Variants in XIRP2 observed in about 807,000 individuals in gnomAD.
XIRP2 encodes xin actin-binding repeat-containing protein 2.
XIRP2 carries 236 observed loss-of-function variants against 277.0 expected under a neutral mutation model. That is an observed-to-expected ratio of 0.85 (90% CI 0.77 to 0.95). The LOEUF is 0.95. Among genes scored for constraint, XIRP2 ranks in the 40% least tolerant of loss-of-function variants. XIRP2 has a pLI of 0.00. For synonymous variants in XIRP2, 1,490 were observed against 1,416.5 expected (o/e 1.05, Z -1.17); for missense variants, 4,640 against 4,157.5 (o/e 1.12, Z -3.19).
chr2:166,938,836 C>T (rs757687691), intron 2 of XIRP2, among the ~76,000 whole-genome samples: 2 of 152,140 alleles, frequency 1.3e-5, no homozygotes, highest in Non-Finnish European at 2.9e-5. Flanking sequence ...GATCCCTTTA[C>T]CATTATGTAA....
At chr2:167,043,208 C>T (rs1688706258) in intron 2 of XIRP2, among the ~76,000 whole-genome samples, 1 of 151,994 alleles carries the variant, frequency 6.6e-6, no homozygotes, top group Admixed American at 6.6e-5. Flanking sequence ...GTTTATAGTG[C>T]TAAATGCCTA....
chr2:166,892,886 ATATATGTG>A (rs1283916832), intron 1 of XIRP2, among the ~76,000 whole-genome samples: 1 of 148,484 alleles, frequency 6.7e-6, no homozygotes, highest in East Asian at 2.0e-4. Context: ...GTATATATGT[ATATATGTG>A]TATATATGTA....
intron 2 of XIRP2, among the ~76,000 whole-genome samples, chr2:167,064,360 C>T (rs182626254): frequency 1.6e-3 from 240 of 151,744 alleles, no homozygotes; most frequent in African/African-American, 2.0e-3. Context: ...TATTATATGC[C>T]GCATAAGAAT....
Position 167,250,553 on chromosome 2 carries a change from C to G in XIRP2, c.9161C>G (p.Ser3054Cys). The G allele has an allele frequency of 6.2e-7, 1 of 1,613,492 alleles. No homozygotes were observed. The highest frequency in any genetic ancestry group is 8.5e-7 in the Non-Finnish European group (1 of 1,179,692). The change falls in exon 9 of 11, where the codon TCC becomes TGC. Residue 3054 changes from serine (S) to cysteine (C), a missense_variant. Transcript: ENST00000409195. Reference protein sequence around the residue: ...NKPTSLDETSSKVSNVHVSNN... With the variant: ...NKPTSLDETSCKVSNVHVSNN... ...CCCACTAGTCTTGATGAAACATCATCCAAAGTATCTAATGTTCATGTCAGC... is the reference window on the plus strand; with the variant it reads ...CCCACTAGTCTTGATGAAACATCATGCAAAGTATCTAATGTTCATGTCAGC...
At chr2:167,131,382 A>G (rs1691371391) in intron 2 of XIRP2, among the ~76,000 whole-genome samples, 1 of 152,102 alleles carries the variant, frequency 6.6e-6, no homozygotes, top group Non-Finnish European at 1.5e-5. Context: ...AAAACAAACA[A>G]AACACATCTC....
At chr2:167,091,431 C>T (rs1372386305) in intron 2 of XIRP2, among the ~76,000 whole-genome samples, 1 of 152,150 alleles carries the variant, frequency 6.6e-6, no homozygotes, top group Non-Finnish European at 1.5e-5. Flanking sequence ...TTATCATTCA[C>T]TAACTTCCTC....
At chr2:167,084,363 T>G (rs1318624355) in intron 2 of XIRP2, among the ~76,000 whole-genome samples, 2 of 152,044 alleles carry the variant, frequency 1.3e-5, no homozygotes, top group Non-Finnish European at 2.9e-5. Context: ...TTGAGGATTT[T>G]TGCATCAATG....
At chr2:166,898,898 C>CT (rs2105332286) in intron 1 of XIRP2, among the ~76,000 whole-genome samples, 1 of 152,184 alleles carries the variant, frequency 6.6e-6, no homozygotes, top group South Asian at 2.1e-4. Flanking sequence ...TTGAGATTGG[C>CT]TTTTTTCACT....
At chr2:167,024,452 T>A (rs1196762558) in intron 2 of XIRP2, among the ~76,000 whole-genome samples, 1 of 152,140 alleles carries the variant, frequency 6.6e-6, no homozygotes, top group Non-Finnish European at 1.5e-5. Context: ...TATTTCCTTC[T>A]CCTGCCTAAC....
intron 2 of XIRP2, among the ~76,000 whole-genome samples, chr2:167,081,146 A>T (rs1026042971): frequency 3.9e-5 from 6 of 152,158 alleles, no homozygotes; most frequent in Non-Finnish European, 5.9e-5. Flanking sequence ...GAAACCAGAG[A>T]TCTTCATTCC....
In XIRP2 at chr2:167,244,217, G is replaced by A; in HGVS notation, c.2825G>A (p.Arg942Lys). ...TRTVKLEEVD[R>K]GDVKNYTHIF... ...ACAGTGAAACTTGAAGAAGTTGACA[G>A]AGGAGATGTGAAGAATTACACACAT... Residue 942 changes from arginine to lysine, a missense_variant, in exon 9 of 11, where the codon AGA becomes AAA. Coordinates refer to ENST00000409195, the MANE Select transcript of XIRP2 (RefSeq NM_152381.6). The A allele has an allele frequency of 6.2e-7, 1 of 1,613,578 alleles. No homozygotes were observed. The highest frequency in any genetic ancestry group is 8.5e-7 in the Non-Finnish European group (1 of 1,179,812).
chr2:167,181,748 A>C (rs1693015015), intron 3 of XIRP2, among the ~76,000 whole-genome samples: 1 of 152,166 alleles, frequency 6.6e-6, no homozygotes, highest in Admixed American at 6.6e-5. Context: ...GATCCTTTAA[A>C]CACTGACGTA....
At chr2:167,068,190 T>C (rs1433005597) in intron 2 of XIRP2, among the ~76,000 whole-genome samples, 1 of 152,210 alleles carries the variant, frequency 6.6e-6, no homozygotes, top group African/African-American at 2.4e-5. Context: ...TACCTGAAAA[T>C]TTCTTAATAC....
intron 9 of XIRP2, among the ~76,000 whole-genome samples, chr2:167,252,585 T>G (rs1294933206): frequency 6.6e-6 from 1 of 151,964 alleles, no homozygotes; most frequent in East Asian, 1.9e-4. Context: ...ATCAACCTCA[T>G]TCACAAATGA....
At chr2:167,082,808 A>C (rs1319301645) in intron 2 of XIRP2, among the ~76,000 whole-genome samples, 1 of 151,944 alleles carries the variant, frequency 6.6e-6, no homozygotes, top group African/African-American at 2.4e-5. Flanking sequence ...TTTTCTTGTA[A>C]ATCTGTTTCA....
intron 3 of XIRP2, among the ~76,000 whole-genome samples, chr2:167,141,853 C>G (rs1691726597): frequency 6.6e-6 from 1 of 151,812 alleles, no homozygotes; most frequent in Non-Finnish European, 1.5e-5. Context: ...AGAGCAAGAC[C>G]CTGTCTCAAA....
intron 2 of XIRP2, among the ~76,000 whole-genome samples, chr2:167,067,862 A>G (rs1689338271): frequency 6.6e-6 from 1 of 152,160 alleles, no homozygotes; most frequent in African/African-American, 2.4e-5. Context: ...TGTTTTTCCT[A>G]TTCCTTTTCA....
In XIRP2 at chr2:167,112,732, A is replaced by C. The variant is rs933808398; in HGVS notation, c.409-23177A>C. 2.0e-5 allele frequency among the ~76,000 whole-genome samples: 3 copies of C among 151,962 alleles called. No individual in the cohort carries two copies. In the East Asian group the frequency reaches 5.8e-4, roughly 30 times the overall value. ...AGTGGCACAACCTTGGCTTACTGCAACCTCCACCTCCTGGGTTCAAGTGAT... is the reference window on the plus strand; with the variant it reads ...AGTGGCACAACCTTGGCTTACTGCACCCTCCACCTCCTGGGTTCAAGTGAT... On this transcript the variant is annotated intron_variant, in intron 2 of 10. Transcript: ENST00000409195.
chr2:167,243,768 C>T lies in XIRP2; in HGVS notation c.2376C>T (p.Val792=), dbSNP rs1291662070. ...INKDITEIKV[V]RGISMEENVK... ...AAGATATCACAGAAATTAAAGTTGT[C>T]CGAGGAATATCCATGGAAGAAAATG... The change falls in exon 9 of 11, where the codon GTC becomes GTT. Residue 792 remains valine, a synonymous_variant. Coordinates refer to ENST00000409195, the MANE Select transcript of XIRP2 (RefSeq NM_152381.6). The T allele has an allele frequency of 1.2e-6, 2 of 1,613,908 alleles. No homozygotes were observed. Among genetic ancestry groups the T allele is most frequent in the South Asian group, 1.1e-5 (1 of 91,066 alleles).
Sources: allele counts gnomAD v4.1 joint callset (sites outside exome capture counted in the v4.1 genomes callset), GRCh38; gene constraint gnomAD v4.1.1; transcripts MANE v1.5; gene names NCBI Gene and HGNC (gene_info 2026-07-23, HGNC 2026-07-21).